The following SMG7 variants were observed in gnomAD, a reference collection of about 807,000 sequenced individuals.
The protein encoded by SMG7 is SMG7 nonsense mediated mRNA decay factor.
A neutral mutation model predicts 148.2 loss-of-function variants in SMG7; 34 were observed. The ratio of observed to expected loss-of-function variants is 0.23; its 90% CI spans 0.17 to 0.31. The LOEUF is 0.31. Among genes scored for constraint, SMG7 ranks in the 10% least tolerant of loss-of-function variants. The pLI is 1.00. For missense variants in SMG7, 1,114 were observed against 1,408.4 expected, an observed-to-expected ratio of 0.79 and a Z score of 3.35; for synonymous variants, 492 against 515.1, an observed-to-expected ratio of 0.96 and a Z score of 0.61.
At chr1:183,538,148 C>T (rs1349513003) in intron 11 of SMG7, among the ~76,000 whole-genome samples, 1 of 152,114 alleles carries the variant, frequency 6.6e-6, no homozygotes, top group African/African-American at 2.4e-5. Flanking sequence ...AAGCCATTCT[C>T]CTCAGCATTG....
chr1:183,487,911 A>G (rs1038507623), intron 1 of SMG7, among the ~76,000 whole-genome samples: 5 of 152,232 alleles, frequency 3.3e-5, no homozygotes, highest in African/African-American at 1.2e-4. Context: ...CAGAGAGAAC[A>G]TATAAGTACA....
intron 2 of SMG7, among the ~76,000 whole-genome samples, chr1:183,513,617 G>A (rs56881856): frequency 3.3e-5 from 5 of 152,036 alleles, no homozygotes; most frequent in African/African-American, 1.2e-4. Flanking sequence ...TGATCCTCCT[G>A]CCTCAGCCTC....
Position 183,549,257 on chromosome 1 carries a change from T to A in SMG7, c.2942T>A (p.Phe981Tyr), listed in dbSNP as rs1225542670. The A allele has an allele frequency of 1.2e-6, 2 of 1,613,754 alleles. No homozygotes were observed. The highest frequency in any genetic ancestry group is 1.1e-5 in the South Asian group (1 of 91,076). The change falls in exon 19 of 23, where the codon TTC becomes TAC. Residue 981 changes from phenylalanine to tyrosine, a missense_variant. By Grantham distance (22) the Phe-to-Tyr change is conservative. Around this residue, in one of 4 missense-constraint regions of SMG7, gnomAD observed 788 missense variants for 894.5 expected, o/e 0.88. Coordinates refer to ENST00000688051, the MANE Select transcript of SMG7 (RefSeq NM_001375584.1). ...PSELMSHSSSFLSLTGFSLNQ... is the reference protein window; with the variant it reads ...PSELMSHSSSYLSLTGFSLNQ... Reference sequence around the variant, plus strand: ...GAGCTCATGTCACATTCATCCTCTTTCCTGTCCCTCACCGGATTCTCTCTC... The same window carrying A: ...GAGCTCATGTCACATTCATCCTCTTACCTGTCCCTCACCGGATTCTCTCTC...
At chr1:183,524,368 G>A (rs1056489724) in intron 4 of SMG7, among the ~76,000 whole-genome samples, 1 of 152,016 alleles carries the variant, frequency 6.6e-6, no homozygotes, top group African/African-American at 2.4e-5. Context: ...TGATCCTTCC[G>A]CCTTGACCTC....
chr1:183,486,161 G>A (rs1334704927), intron 1 of SMG7, among the ~76,000 whole-genome samples: 2 of 152,106 alleles, frequency 1.3e-5, no homozygotes, highest in Non-Finnish European at 2.9e-5. Context: ...TTAAGAGGAG[G>A]GCTTTCTCTT....
At chr1:183,478,020 C>G (rs1331580820) in intron 1 of SMG7, among the ~76,000 whole-genome samples, 1 of 152,006 alleles carries the variant, frequency 6.6e-6, no homozygotes, top group Non-Finnish European at 1.5e-5. Context: ...CACTATAAAT[C>G]TTGAAACAGA....
rs1669034095 is a variant in SMG7, at chr1:183,542,412, AAAG to A, written c.1756_1758del (p.Lys586del). On this transcript the variant is annotated inframe_deletion, in exon 14 of 23. Coordinates refer to ENST00000688051, the MANE Select transcript of SMG7 (RefSeq NM_001375584.1). ...GAATAACTGTAACTAAGAATGATGG[AAAG>A]AAGGACAACAACAAGAGGAAAACTG... 1 of 1,613,924 alleles carries A rather than the reference AAAG, an allele frequency of 6.2e-7. No homozygotes were observed. Among genetic ancestry groups the A allele is most frequent in the Non-Finnish European group, 8.5e-7 (1 of 1,179,932 alleles).
Position 183,552,788 on chromosome 1 carries a change from A to G in SMG7, c.*857A>G. ...CAAGCAGTCTCACAGAAGGCAGGCT[A>G]GTCCATTCACAGCCTGACACGTTCT... is the stretch of plus-strand genomic sequence containing the variant. On this transcript the variant is annotated 3_prime_UTR_variant, in exon 23 of 23. Coordinates refer to ENST00000688051, the MANE Select transcript of SMG7 (RefSeq NM_001375584.1). 7.1e-7 allele frequency: 1 copy of G among 1,411,608 alleles called. No individual in the cohort carries two copies. Among genetic ancestry groups the G allele is most frequent in the Non-Finnish European group, 9.2e-7 (1 of 1,085,862 alleles). 87.4% of individuals were successfully genotyped at this position (1,411,608 alleles called of 1,614,324 possible). A position where few individuals can be genotyped will look rare whatever the true frequency, so the allele number is the denominator to read the frequency against.
chr1:183,532,187 G>A lies in SMG7; in HGVS notation c.844-977G>A, dbSNP rs186201153. Among the ~76,000 whole-genome samples the A allele has an allele frequency of 8.7e-4, 132 of 152,272 alleles. 2 individuals carry two copies. In the East Asian group the frequency reaches 0.018, roughly 21 times the overall value. ...GTAGTCTGGGCAGAGACAGCTGTAAGTTTCTGACATGGTAGGATCTCCTGT... is the reference window on the plus strand; with the variant it reads ...GTAGTCTGGGCAGAGACAGCTGTAAATTTCTGACATGGTAGGATCTCCTGT... On this transcript the variant is annotated intron_variant, in intron 8 of 22. Transcript: ENST00000688051.
chr1:183,499,664 G>A (rs1337724635), intron 1 of SMG7, among the ~76,000 whole-genome samples: 2 of 151,982 alleles, frequency 1.3e-5, no homozygotes, highest in East Asian at 1.9e-4. Flanking sequence ...TTTTATCTTC[G>A]ACTTTGTGGC....
chr1:183,499,637 C>CATTTATGAAATGCGTGTTTTT (rs1659310325), intron 1 of SMG7, among the ~76,000 whole-genome samples: 1 of 152,070 alleles, frequency 6.6e-6, no homozygotes, highest in Admixed American at 6.6e-5. Flanking sequence ...TCAGATAAGT[C>CATTTATGAAATGCGTGTTTTT]ATTTATGAAA....
intron 18 of SMG7, 93 bp downstream of exon 18, chr1:183,547,345 C>T (rs969208609): frequency 8.4e-7 from 1 of 1,192,268 alleles, no homozygotes; most frequent in Non-Finnish European, 1.1e-6. Context: ...TCTTCTCTTC[C>T]TGGGGCTGTC....
In SMG7 at chr1:183,533,146, G is replaced by T. The variant is rs79240797; in HGVS notation, c.844-18G>T. On this transcript the variant is annotated intron_variant, in intron 8 of 22. Coordinates refer to ENST00000688051, the MANE Select transcript of SMG7 (RefSeq NM_001375584.1). ...CTGTTCTTGATAATATATGCAGTACGTCTGTCTTCTTTTACAGAGGCTGCT... is the reference window on the plus strand; with the variant it reads ...CTGTTCTTGATAATATATGCAGTACTTCTGTCTTCTTTTACAGAGGCTGCT... The T allele has an allele frequency of 1.2e-6, 2 of 1,610,098 alleles. No individual in the cohort carries two copies. The highest frequency in any genetic ancestry group is 1.7e-6 in the Non-Finnish European group (2 of 1,177,288).
In SMG7 at chr1:183,472,552, G is replaced by C. The variant is rs1432554169; in HGVS notation, c.-69G>C. 11 of 1,345,466 alleles carry C rather than the reference G, an allele frequency of 8.2e-6. No individual in the cohort carries two copies. The highest frequency in any genetic ancestry group is 1.5e-5 in the African/African-American group (1 of 65,346). 83.3% of individuals were successfully genotyped at this position (1,345,466 alleles called of 1,614,324 possible). ...CGGCCGCCAGCACCCGCGGTGCCGC[G>C]GGGCCGCTCCGAGGAGCCTGAGAGA... On this transcript the variant is annotated 5_prime_UTR_variant, in exon 1 of 23. Transcript: ENST00000688051.
intron 7 of SMG7, 141 bp from the exon 8 acceptor site, chr1:183,529,257 T>C (rs1666439507): frequency 1.0e-6 from 1 of 965,642 alleles, no homozygotes; most frequent in African/African-American, 1.6e-5. Context: ...TAATACTGAC[T>C]CATCTTGAGT....
chr1:183,521,245 C>T (rs778773239), intron 4 of SMG7, among the ~76,000 whole-genome samples: 31 of 151,886 alleles, frequency 2.0e-4, no homozygotes, highest in Non-Finnish European at 3.2e-4. Flanking sequence ...ATTACAGGTG[C>T]GCACCATCAC....
chr1:183,473,427 T>C (rs1033484506), intron 1 of SMG7, among the ~76,000 whole-genome samples: 1 of 151,836 alleles, frequency 6.6e-6, no homozygotes, highest in Non-Finnish European at 1.5e-5. Flanking sequence ...TGTGTGTGTG[T>C]GCGAGATGTG....
chr1:183,543,333 A>G (rs1027141949), intron 14 of SMG7, among the ~76,000 whole-genome samples: 1 of 152,220 alleles, frequency 6.6e-6, no homozygotes, highest in African/African-American at 2.4e-5. Flanking sequence ...CTGCTTACAA[A>G]TAAATAGTAC....
chr1:183,550,067 G>T, intron 20 of SMG7, 144 bp downstream of exon 20: 1 of 629,316 alleles, frequency 1.6e-6, no homozygotes, highest in Non-Finnish European at 2.5e-6. Flanking sequence ...ACTTCTGAAA[G>T]GAAATAGAAA....
Sources: gnomAD v4.1 joint callset for allele counts (sites outside exome capture counted in the v4.1 genomes callset) on GRCh38, gnomAD v4.1.1 for gene constraint, gnomAD v4.1.1 regional missense constraint, MANE v1.5 for transcripts, NCBI Gene and HGNC (gene_info 2026-07-23, HGNC 2026-07-21) for gene names.